PRTG: variants seen among roughly 807,000 people sequenced by gnomAD.
PRTG encodes immunoglobulin superfamily, DCC subclass, member 5.
A neutral mutation model predicts 122.5 loss-of-function variants in PRTG; 67 were observed. That is an observed-to-expected ratio of 0.55 (90% CI 0.45 to 0.67). PRTG has a LOEUF of 0.67. PRTG is among the 30% of genes least tolerant of loss of function. The pLI is 0.00. For synonymous variants in PRTG, 554 were observed against 501.1 expected (o/e 1.11, Z -1.41); for missense variants, 1,435 against 1,415.4 (o/e 1.01, Z -0.22).
chr15:55,621,188 C>A (rs1371316711), intron 18 of PRTG, among the ~76,000 whole-genome samples: 1 of 152,058 alleles, frequency 6.6e-6, no homozygotes, highest in Non-Finnish European at 1.5e-5. Flanking sequence ...CCCGTCTCTA[C>A]TAAAAATACA....
At chr15:55,733,214 T>C (rs11071203) in intron 2 of PRTG, among the ~76,000 whole-genome samples, 56,416 of 151,172 alleles carry the variant, frequency 0.37, 12,929 homozygotes, top group Non-Finnish European at 0.52. Context: ...TCTCAAAAAA[T>C]AGTAAATGGA....
rs2059153088 is a variant in PRTG, at chr15:55,619,117, C to G, written c.*895G>C. On this transcript the variant is annotated 3_prime_UTR_variant, in exon 20 of 20. Coordinates refer to ENST00000389286, the MANE Select transcript of PRTG (RefSeq NM_173814.6). ...ACTAGACAGTGCAGCCTTTGGCCAA[C>G]CGTCAGGCAAAGGGGAAGGTAGAAA... is the stretch of plus-strand genomic sequence containing the variant. 1 of 152,120 alleles carries G rather than the reference C, an allele frequency of 6.6e-6. No homozygotes were observed. The highest frequency in any genetic ancestry group is 1.5e-5 in the Non-Finnish European group (1 of 68,038). The allele number at this position is 152,120 out of a possible 1,614,324, so 9.4% of individuals were successfully genotyped here.
At chr15:55,623,664 T>C (rs145832750) in intron 18 of PRTG, among the ~76,000 whole-genome samples, 30 of 152,356 alleles carry the variant, frequency 2.0e-4, no homozygotes, top group African/African-American at 7.0e-4. Context: ...AACTGATTTA[T>C]AGCACATTGG....
At chr15:55,654,653 C>T (rs1481135992) in intron 11 of PRTG, among the ~76,000 whole-genome samples, 1 of 152,206 alleles carries the variant, frequency 6.6e-6, no homozygotes, top group African/African-American at 2.4e-5. Flanking sequence ...TAAGTAGCTG[C>T]TCTGTCTGCC....
chr15:55,706,596 A>G (rs1421741783), intron 2 of PRTG, among the ~76,000 whole-genome samples: 1 of 151,868 alleles, frequency 6.6e-6, no homozygotes, highest in African/African-American at 2.4e-5. Context: ...AAAAAAAAAA[A>G]AAAAAAAAAA....
intron 2 of PRTG, among the ~76,000 whole-genome samples, chr15:55,694,690 T>C (rs1386643282): frequency 6.6e-6 from 1 of 152,220 alleles, no homozygotes; most frequent in Non-Finnish European, 1.5e-5. Flanking sequence ...AATGACTATG[T>C]CTTTCACAAT....
At chr15:55,647,938 T>C (rs939720369) in intron 11 of PRTG, among the ~76,000 whole-genome samples, 1 of 152,232 alleles carries the variant, frequency 6.6e-6, no homozygotes, top group African/African-American at 2.4e-5. Context: ...GCGTATACTA[T>C]TGAAACAACT....
chr15:55,700,170 AT>A (rs2059654088), intron 2 of PRTG, among the ~76,000 whole-genome samples: 1 of 152,194 alleles, frequency 6.6e-6, no homozygotes, highest in African/African-American at 2.4e-5. Context: ...ATGTCAACTG[AT>A]TTTTATAAAA....
chr15:55,667,123 G>A (rs2059443223), intron 11 of PRTG, among the ~76,000 whole-genome samples: 2 of 151,684 alleles, frequency 1.3e-5, no homozygotes, highest in Admixed American at 6.6e-5. Flanking sequence ...AATGTAAAGA[G>A]GAGATATACC....
At chr15:55,704,317 G>GT (rs1286267797) in intron 2 of PRTG, among the ~76,000 whole-genome samples, 5 of 152,114 alleles carry the variant, frequency 3.3e-5, no homozygotes, top group African/African-American at 1.2e-4. Flanking sequence ...GAAGAGTGAG[G>GT]TTTTTGTGAC....
intron 15 of PRTG, among the ~76,000 whole-genome samples, chr15:55,631,064 A>G (rs2059224912): frequency 6.6e-6 from 1 of 152,186 alleles, no homozygotes; most frequent in Admixed American, 6.5e-5. Context: ...CCAAACCTCC[A>G]GCAGCGATGC....
At chr15:55,667,557 C>T (rs961958572) in intron 11 of PRTG, among the ~76,000 whole-genome samples, 11 of 151,836 alleles carry the variant, frequency 7.2e-5, no homozygotes, top group African/African-American at 1.7e-4. Flanking sequence ...GTTGAAGTTT[C>T]AACATATTTT....
chr15:55,620,526 T>C (rs1372218730), intron 19 of PRTG, 137 bp downstream of exon 19: 3 of 1,333,366 alleles, frequency 2.2e-6, no homozygotes, highest in African/African-American at 1.5e-5. Flanking sequence ...CACAGAGCCA[T>C]GCCCCAAATT....
chr15:55,679,560 C>G, intron 6 of PRTG, 115 bp from the exon 7 acceptor site: 1 of 723,046 alleles, frequency 1.4e-6, no homozygotes, highest in Non-Finnish European at 2.2e-6. Flanking sequence ...GCCTGACATG[C>G]TGAGCTCCTG....
intron 11 of PRTG, among the ~76,000 whole-genome samples, chr15:55,647,694 A>T (rs1012432363): frequency 1.3e-5 from 2 of 152,230 alleles, no homozygotes; most frequent in African/African-American, 4.8e-5. Flanking sequence ...GGTGCCTGGG[A>T]GAAAAGGTAG....
At chr15:55,646,140 G>A (rs910833465) in intron 11 of PRTG, among the ~76,000 whole-genome samples, 4 of 151,308 alleles carry the variant, frequency 2.6e-5, no homozygotes, top group Non-Finnish European at 4.4e-5. Context: ...CTAAGTAGCT[G>A]GGAGTACAGG....
At chr15:55,642,061 C>G (rs1012324993) in intron 11 of PRTG, among the ~76,000 whole-genome samples, 11 of 149,778 alleles carry the variant, frequency 7.3e-5, no homozygotes, top group African/African-American at 2.5e-4. Context: ...GTAGTCCCAG[C>G]TACTCGGGAG....
At position 55,615,319 on chromosome 15, in the gene PRTG, A is replaced by G. The variant is rs2059137245; in HGVS notation, c.*4693T>C. The G allele has an allele frequency of 6.6e-6, 1 of 152,128 alleles. No homozygotes were observed. The highest frequency in any genetic ancestry group is 1.5e-5 in the Non-Finnish European group (1 of 67,986). 9.4% of individuals were successfully genotyped at this position (152,128 alleles called of 1,614,324 possible). ...ATTTTAAGCCACCACCTTCATGGTA[A>G]TGTGTTACAGCAGCAATAGGAAAAA... On this transcript the variant is annotated 3_prime_UTR_variant, in exon 20 of 20. Coordinates refer to ENST00000389286, the MANE Select transcript of PRTG (RefSeq NM_173814.6).
intron 2 of PRTG, among the ~76,000 whole-genome samples, chr15:55,731,303 C>T (rs1180601338): frequency 6.6e-6 from 1 of 151,202 alleles, no homozygotes; most frequent in African/African-American, 2.4e-5. Flanking sequence ...CATCAGGGGA[C>T]GCCAGAGGAC....
Sources: allele counts gnomAD v4.1 joint callset (sites outside exome capture counted in the v4.1 genomes callset), GRCh38; gene constraint gnomAD v4.1.1; transcripts MANE v1.5; gene names NCBI Gene and HGNC (gene_info 2026-07-23, HGNC 2026-07-21).